The following SRGAP1 variants were observed in gnomAD, a reference collection of about 807,000 sequenced individuals.
SRGAP1 encodes the protein SLIT-ROBO Rho GTPase-activating protein 1.
A neutral mutation model predicts 121.9 loss-of-function variants in SRGAP1; 43 were observed. The observed-to-expected ratio is 0.35, with a 90% CI of 0.28 to 0.46. The LOEUF (loss-of-function observed/expected upper bound fraction) is 0.46. SRGAP1 is among the 20% of genes least tolerant of loss of function. The pLI is 1.00. For synonymous variants in SRGAP1, 447 were observed against 485.4 expected, an observed-to-expected ratio of 0.92 and a Z score of 1.04; for missense variants, 1,102 against 1,350.9, an observed-to-expected ratio of 0.82 and a Z score of 2.89.
Position 64,147,604 on chromosome 12 carries a change from G to A in SRGAP1, c.*4932G>A, listed in dbSNP as rs1000149903. ...ATGTGCTGCTGACAGCATCGCATTC[G>A]CCCGTGCTCTGTACTGCCTCTCACC... On this transcript the variant is annotated 3_prime_UTR_variant, in exon 22 of 22. Coordinates refer to ENST00000355086, the MANE Select transcript of SRGAP1 (RefSeq NM_020762.4). The A allele has an allele frequency of 4.5e-5, 18 of 398,532 alleles. No homozygotes were observed. The highest frequency in any genetic ancestry group is 7.1e-5 in the Non-Finnish European group (16 of 226,142). 24.7% of individuals were successfully genotyped at this position (398,532 alleles called of 1,614,324 possible).
At chr12:63,864,156 C>T (rs1007372634) in intron 1 of SRGAP1, among the ~76,000 whole-genome samples, 3 of 152,190 alleles carry the variant, frequency 2.0e-5, no homozygotes, top group Admixed American at 1.3e-4. Context: ...TATGAATAAG[C>T]ATCTTCTTTG....
At chr12:63,894,269 G>C (rs979351519) in intron 1 of SRGAP1, among the ~76,000 whole-genome samples, 1 of 151,846 alleles carries the variant, frequency 6.6e-6, no homozygotes, top group African/African-American at 2.4e-5. Flanking sequence ...CCACACTTCA[G>C]TAAGACCGTT....
chr12:63,977,031 C>T (rs952166915), intron 1 of SRGAP1, among the ~76,000 whole-genome samples: 13 of 150,648 alleles, frequency 8.6e-5, no homozygotes, highest in Non-Finnish European at 1.9e-4. Flanking sequence ...AGTTGATTCA[C>T]TTAAAAAAAA....
chr12:64,079,570 T>C (rs561147205), intron 9 of SRGAP1, among the ~76,000 whole-genome samples: 67 of 151,842 alleles, frequency 4.4e-4, no homozygotes, highest in Non-Finnish European at 9.1e-4. Context: ...ATTGTAGTCC[T>C]AGCTACTTGG....
At chr12:64,015,886 G>A (rs1324920490) in intron 3 of SRGAP1, among the ~76,000 whole-genome samples, 1 of 152,040 alleles carries the variant, frequency 6.6e-6, no homozygotes, top group Non-Finnish European at 1.5e-5. Flanking sequence ...TTCTGTAGCT[G>A]ACTACATAAC....
At chr12:64,075,825 C>T (rs2035727251) in intron 8 of SRGAP1, among the ~76,000 whole-genome samples, 1 of 151,784 alleles carries the variant, frequency 6.6e-6, no homozygotes, top group Admixed American at 6.6e-5. Context: ...AATTTCTTTC[C>T]CTTCTTTTTT....
intron 14 of SRGAP1, 55 bp from the exon 15 acceptor site, chr12:64,097,186 T>G (rs961462231): frequency 6.6e-7 from 1 of 1,525,204 alleles, no homozygotes; most frequent in African/African-American, 1.4e-5. Context: ...AAATATATTT[T>G]TGTTCAGAGA....
intron 1 of SRGAP1, among the ~76,000 whole-genome samples, chr12:63,929,630 A>C (rs1259465379): frequency 6.6e-6 from 1 of 150,602 alleles, no homozygotes; most frequent in Non-Finnish European, 1.5e-5. Flanking sequence ...GGTATGTATC[A>C]TAATTATATA....
chr12:64,036,712 G>A (rs1268481522), intron 4 of SRGAP1, among the ~76,000 whole-genome samples: 1 of 152,158 alleles, frequency 6.6e-6, no homozygotes, highest in Non-Finnish European at 1.5e-5. Context: ...TATTGCTGGT[G>A]CTATTTTGGA....
intron 1 of SRGAP1, among the ~76,000 whole-genome samples, chr12:63,891,895 A>G (rs950554978): frequency 4.6e-5 from 7 of 151,160 alleles, no homozygotes; most frequent in African/African-American, 1.5e-4. Context: ...CTGAGGCATG[A>G]CATTTGCTTG....
chr12:63,995,953 A>G (rs1020611852), intron 3 of SRGAP1, among the ~76,000 whole-genome samples: 12 of 152,038 alleles, frequency 7.9e-5, no homozygotes, highest in African/African-American at 2.9e-4. Flanking sequence ...TTAATATTCA[A>G]ACATGTTTTA....
intron 15 of SRGAP1, 63 bp from the exon 16 acceptor site, chr12:64,108,869 G>T: frequency 8.6e-7 from 1 of 1,166,502 alleles, no homozygotes. Flanking sequence ...TACATGTACT[G>T]CAGTGTTCTG....
chr12:64,090,564 G>A (rs992247722), intron 11 of SRGAP1, among the ~76,000 whole-genome samples: 12 of 152,368 alleles, frequency 7.9e-5, no homozygotes, highest in Admixed American at 3.3e-4. Flanking sequence ...GCTGGGCTGA[G>A]TGAGGTGGCT....
At chr12:64,033,030 A>AT (rs2034816972) in intron 4 of SRGAP1, among the ~76,000 whole-genome samples, 1 of 152,156 alleles carries the variant, frequency 6.6e-6, no homozygotes. Flanking sequence ...AAAGAAAAAA[A>AT]ATGCCGCTCT....
chr12:64,018,088 AT>A (rs777452389), intron 4 of SRGAP1, among the ~76,000 whole-genome samples: 4 of 151,984 alleles, frequency 2.6e-5, no homozygotes, highest in African/African-American at 7.2e-5. Flanking sequence ...GTACAAGATT[AT>A]TTTGTTTGTT....
At chr12:63,862,144 T>G (rs1899476610) in intron 1 of SRGAP1, among the ~76,000 whole-genome samples, 1 of 152,184 alleles carries the variant, frequency 6.6e-6, no homozygotes, top group Non-Finnish European at 1.5e-5. Flanking sequence ...CACACACACC[T>G]CATGAGTCAA....
At chr12:64,030,735 G>A (rs7957760) in intron 4 of SRGAP1, among the ~76,000 whole-genome samples, 1 of 152,292 alleles carries the variant, frequency 6.6e-6, no homozygotes, top group African/African-American at 2.4e-5. Flanking sequence ...CTGATTGATC[G>A]ATAATCAGTT....
At chr12:64,112,166 C>T (rs182159890) in intron 17 of SRGAP1, among the ~76,000 whole-genome samples, 180 bp downstream of exon 17, 1 of 152,288 alleles carries the variant, frequency 6.6e-6, no homozygotes, top group African/African-American at 2.4e-5. Context: ...ATATTCATCC[C>T]TCTCTTTTCT....
chr12:63,889,894 C>T (rs1312045625), intron 1 of SRGAP1, among the ~76,000 whole-genome samples: 1 of 150,916 alleles, frequency 6.6e-6, no homozygotes, highest in Non-Finnish European at 1.5e-5. Flanking sequence ...GGTGACAGAG[C>T]GAGACTCAGT....
Sources: gnomAD v4.1 joint callset for allele counts (sites outside exome capture counted in the v4.1 genomes callset) on GRCh38, gnomAD v4.1.1 for gene constraint, MANE v1.5 for transcripts, NCBI Gene and HGNC (gene_info 2026-07-23, HGNC 2026-07-21) for gene names.